The following RIT2 variants were observed in gnomAD, a reference collection of about 807,000 sequenced individuals.
RIT2 encodes GTP-binding protein Rit2.
RIT2 carries 24 observed loss-of-function variants against 23.7 expected under a neutral mutation model. The ratio of observed to expected loss-of-function variants is 1.01; its 90% CI spans 0.73 to 1.43. RIT2 has a LOEUF of 1.43. RIT2 is among the 40% of genes most tolerant of loss of function. RIT2 has a pLI of 0.00. For synonymous variants in RIT2, 107 were observed against 91.1 expected (o/e 1.17, Z -0.99); for missense variants, 236 against 266.9 (o/e 0.88, Z 0.81).
chr18:42,832,616 A>C (rs1337557698), intron 4 of RIT2, among the ~76,000 whole-genome samples: 4 of 152,206 alleles, frequency 2.6e-5, no homozygotes, highest in Non-Finnish European at 5.9e-5. Context: ...TTAATGACCA[A>C]ATCAGAGTAG....
intron 1 of RIT2, among the ~76,000 whole-genome samples, chr18:43,103,692 G>A (rs530225317): frequency 2.0e-5 from 3 of 152,230 alleles, no homozygotes; most frequent in South Asian, 4.1e-4. Context: ...AAATAACTTC[G>A]TGATTGGGGA....
rs1430963765 is a variant in RIT2, at chr18:43,007,294, A to C, written c.160+26517T>G. Among the ~76,000 whole-genome samples, 3 of 151,686 alleles carry C rather than the reference A, an allele frequency of 2.0e-5. No homozygotes were observed. The East Asian group carries it at 5.8e-4, about 30-fold the overall frequency. ...TGTCATGGCTATATGCTCTGACAAG[A>C]TACACTACAACTATTTTTAAAATGT... is the stretch of plus-strand genomic sequence containing the variant. On this transcript the variant is annotated intron_variant, in intron 2 of 4. Transcript: ENST00000326695.
chr18:43,041,531 C>T (rs1450085814), intron 1 of RIT2, among the ~76,000 whole-genome samples: 1 of 151,942 alleles, frequency 6.6e-6, no homozygotes, highest in Non-Finnish European at 1.5e-5. Flanking sequence ...TGTAGTGTTT[C>T]CAAGGACTTT....
intron 3 of RIT2, among the ~76,000 whole-genome samples, chr18:42,931,383 A>G (rs1023087411): frequency 6.6e-6 from 1 of 152,132 alleles, no homozygotes; most frequent in African/African-American, 2.4e-5. Context: ...ACTTTTAGAT[A>G]AGCCTATATC....
chr18:42,771,013 G>A (rs971265004), intron 4 of RIT2, among the ~76,000 whole-genome samples: 2 of 152,118 alleles, frequency 1.3e-5, no homozygotes, highest in African/African-American at 4.8e-5. Context: ...ATTGGATGCA[G>A]AATACAAACT....
intron 1 of RIT2, among the ~76,000 whole-genome samples, chr18:43,043,298 AC>A (rs1912171211): frequency 6.6e-6 from 1 of 152,066 alleles, no homozygotes; most frequent in Non-Finnish European, 1.5e-5. Flanking sequence ...GGGCCATAGG[AC>A]CCCAAAGCCA....
intron 3 of RIT2, among the ~76,000 whole-genome samples, chr18:42,924,387 G>A (rs957630257): frequency 6.6e-6 from 1 of 151,612 alleles, no homozygotes; most frequent in Non-Finnish European, 1.5e-5. Flanking sequence ...ATAAACAGAA[G>A]GATCTGGATT....
At chr18:42,996,301 GC>G (rs1819862533) in intron 2 of RIT2, among the ~76,000 whole-genome samples, 1 of 151,784 alleles carries the variant, frequency 6.6e-6, no homozygotes, top group South Asian at 2.1e-4. Context: ...GAGAAACATC[GC>G]CCATTATCTC....
At position 42,830,812 on chromosome 18, in the gene RIT2, T is replaced by C. The variant is rs182225048; in HGVS notation, c.427-87092A>G. On this transcript the variant is annotated intron_variant, in intron 4 of 4. Transcript: ENST00000326695. ...TAGATAGGTTTATAATAAGTGCTTTTTGGTGATAATCTGTTCCTTTCCAAG... is the reference window on the plus strand; with the variant it reads ...TAGATAGGTTTATAATAAGTGCTTTCTGGTGATAATCTGTTCCTTTCCAAG... Among the ~76,000 whole-genome samples the C allele has an allele frequency of 1.3e-3, 191 of 152,284 alleles. 1 individual carries two copies. Among genetic ancestry groups the C allele is most frequent in the Non-Finnish European group, 1.9e-3 (126 of 68,026 alleles).
intron 1 of RIT2, among the ~76,000 whole-genome samples, chr18:43,043,621 T>C (rs1912179455): frequency 1.3e-5 from 2 of 151,884 alleles, no homozygotes; most frequent in Admixed American, 1.3e-4. Flanking sequence ...AGAAACCCCG[T>C]CTCTATTAAA....
chr18:43,037,806 C>T lies in RIT2; in HGVS notation c.104-3939G>A, dbSNP rs1363521839. On this transcript the variant is annotated intron_variant, in intron 1 of 4. Transcript: ENST00000326695. ...CTTGGCTGGATATAAAATACTTGTC[C>T]TGCACTTTTCTGAACCATGTTAACT... is the stretch of plus-strand genomic sequence containing the variant. Among the ~76,000 whole-genome samples the T allele has an allele frequency of 2.0e-5, 3 of 152,034 alleles. No homozygotes were observed. The East Asian group carries it at 5.8e-4, about 29-fold the overall frequency.
chr18:42,905,619 C>T (rs1908591502), intron 4 of RIT2, among the ~76,000 whole-genome samples: 4 of 152,020 alleles, frequency 2.6e-5, no homozygotes, highest in Admixed American at 2.6e-4. Context: ...ATTACAGTTG[C>T]CCACCACCAT....
intron 3 of RIT2, among the ~76,000 whole-genome samples, chr18:42,943,198 T>C (rs1909646137): frequency 6.6e-6 from 1 of 152,082 alleles, no homozygotes; most frequent in South Asian, 2.1e-4. Context: ...CAGAATGCCC[T>C]TTTTTCAATC....
chr18:42,921,122 C>T (rs1909045832), intron 4 of RIT2, among the ~76,000 whole-genome samples: 1 of 151,982 alleles, frequency 6.6e-6, no homozygotes, highest in South Asian at 2.1e-4. Flanking sequence ...GCTTGGCTTA[C>T]AAATACACAG....
chr18:43,074,134 T>G (rs1912959106), intron 1 of RIT2, among the ~76,000 whole-genome samples: 1 of 152,208 alleles, frequency 6.6e-6, no homozygotes, highest in South Asian at 2.1e-4. Flanking sequence ...AAATAATCTT[T>G]TGCTATTTAG....
At chr18:42,760,122 T>C (rs1295568468) in intron 4 of RIT2, among the ~76,000 whole-genome samples, 1 of 152,134 alleles carries the variant, frequency 6.6e-6, no homozygotes, top group East Asian at 1.9e-4. Context: ...GATAATAGAA[T>C]ATATGTCTCC....
intron 4 of RIT2, among the ~76,000 whole-genome samples, chr18:42,877,749 T>C (rs1907781284): frequency 6.6e-6 from 1 of 151,720 alleles, no homozygotes; most frequent in Admixed American, 6.6e-5. Flanking sequence ...CCCGACCTTA[T>C]CTGACGAGTT....
At chr18:42,837,233 T>A (rs1906639309) in intron 4 of RIT2, among the ~76,000 whole-genome samples, 2 of 136,254 alleles carry the variant, frequency 1.5e-5, no homozygotes, top group African/African-American at 5.4e-5. Flanking sequence ...AGTGGCGTGA[T>A]CTCAGCTCAC....
chr18:42,918,708 T>C (rs1908977071), intron 4 of RIT2, among the ~76,000 whole-genome samples: 1 of 152,158 alleles, frequency 6.6e-6, no homozygotes. Flanking sequence ...ACTATGAAAT[T>C]ATGCTTAGGA....
Sources: allele counts gnomAD v4.1 joint callset (sites outside exome capture counted in the v4.1 genomes callset), GRCh38; gene constraint gnomAD v4.1.1; transcripts MANE v1.5; gene names NCBI Gene and HGNC (gene_info 2026-07-23, HGNC 2026-07-21).